GULP1: variants seen among roughly 807,000 people sequenced by gnomAD.
GULP1 encodes the protein PTB domain-containing engulfment adapter protein 1.
Under a neutral mutation model 40.9 loss-of-function variants are expected in GULP1, and 19 were observed. The ratio of observed to expected loss-of-function variants is 0.46; its 90% CI spans 0.32 to 0.68. GULP1 has a LOEUF of 0.68. Ranked by LOEUF, GULP1 falls within the 30% of genes least tolerant of loss-of-function variation. The pLI is 0.03. For synonymous variants in GULP1, 119 were observed against 117.6 expected, an observed-to-expected ratio of 1.01 and a Z score of -0.08; for missense variants, 312 against 362.2, an observed-to-expected ratio of 0.86 and a Z score of 1.12.
chr2:188,309,524 T>C (rs932464922), intron 1 of GULP1, among the ~76,000 whole-genome samples: 1 of 152,140 alleles, frequency 6.6e-6, no homozygotes, highest in African/African-American at 2.4e-5. Context: ...TCCAACTCAA[T>C]ATAAGAAAGA....
chr2:188,531,393 C>T (rs762844315), intron 6 of GULP1, among the ~76,000 whole-genome samples: 2 of 152,140 alleles, frequency 1.3e-5, no homozygotes, highest in Non-Finnish European at 2.9e-5. Context: ...GAACCTCTAA[C>T]TGTGGAAATC....
intron 4 of GULP1, among the ~76,000 whole-genome samples, chr2:188,492,759 A>G (rs1484439520): frequency 6.6e-6 from 1 of 152,088 alleles, no homozygotes; most frequent in Non-Finnish European, 1.5e-5. Context: ...TTATATATCT[A>G]TCTCTTTGCC....
intron 2 of GULP1, among the ~76,000 whole-genome samples, chr2:188,473,052 A>G (rs2060719113): frequency 6.6e-6 from 1 of 152,196 alleles, no homozygotes; most frequent in Non-Finnish European, 1.5e-5. Flanking sequence ...TACTGCCCTG[A>G]TGGTCTTGGA....
chr2:188,298,771 T>C (rs1372087519), intron 1 of GULP1, among the ~76,000 whole-genome samples: 1 of 152,048 alleles, frequency 6.6e-6, no homozygotes, highest in Non-Finnish European at 1.5e-5. Context: ...TTTGGAAAAA[T>C]AAAATTTTCT....
intron 2 of GULP1, among the ~76,000 whole-genome samples, chr2:188,403,552 T>C (rs1411610783): frequency 6.6e-6 from 1 of 152,088 alleles, no homozygotes; most frequent in African/African-American, 2.4e-5. Context: ...AAAATAAATA[T>C]GGTATATATA....
At chr2:188,302,319 GAGAA>G (rs2036272028) in intron 1 of GULP1, among the ~76,000 whole-genome samples, 2 of 152,104 alleles carry the variant, frequency 1.3e-5, no homozygotes, top group Non-Finnish European at 2.9e-5. Flanking sequence ...TCAGACAATA[GAGAA>G]CTAAATTTAA....
chr2:188,314,618 C>T (rs970105406), intron 1 of GULP1, among the ~76,000 whole-genome samples: 1 of 152,116 alleles, frequency 6.6e-6, no homozygotes, highest in South Asian at 2.1e-4. Flanking sequence ...GCTCCACAGG[C>T]TAAGTAGATT....
chr2:188,450,103 T>G (rs1435267028), intron 2 of GULP1, among the ~76,000 whole-genome samples: 1 of 152,140 alleles, frequency 6.6e-6, no homozygotes, highest in Non-Finnish European at 1.5e-5. Context: ...ATGAAGAAAT[T>G]GCCAAAAATG....
At chr2:188,385,730 C>T (rs2049635878) in intron 2 of GULP1, among the ~76,000 whole-genome samples, 2 of 152,168 alleles carry the variant, frequency 1.3e-5, no homozygotes, top group South Asian at 4.1e-4. Context: ...AATCACCTCT[C>T]TCAAGTTCAA....
At chr2:188,565,804 A>G (rs1697516024) in intron 7 of GULP1, among the ~76,000 whole-genome samples, 1 of 152,158 alleles carries the variant, frequency 6.6e-6, no homozygotes, top group African/African-American at 2.4e-5. Flanking sequence ...CAATGGATAA[A>G]TCACTTGTGG....
intron 2 of GULP1, among the ~76,000 whole-genome samples, chr2:188,405,687 C>A (rs890355910): frequency 6.6e-6 from 1 of 152,210 alleles, no homozygotes; most frequent in Non-Finnish European, 1.5e-5. Flanking sequence ...ACTCAGGCAC[C>A]AGGTCTGCCC....
intron 1 of GULP1, among the ~76,000 whole-genome samples, chr2:188,341,972 C>T (rs1313077052): frequency 6.6e-6 from 1 of 152,066 alleles, no homozygotes. Context: ...GTTTTCTTAC[C>T]TCTTTCTATA....
chr2:188,455,033 A>G (rs1331870412), intron 2 of GULP1, among the ~76,000 whole-genome samples: 1 of 152,082 alleles, frequency 6.6e-6, no homozygotes, highest in Non-Finnish European at 1.5e-5. Flanking sequence ...TCAGGAGGGT[A>G]AGCCAGTTGG....
chr2:188,533,981 A>G (rs947045290), intron 6 of GULP1, among the ~76,000 whole-genome samples: 1 of 152,218 alleles, frequency 6.6e-6, no homozygotes, highest in African/African-American at 2.4e-5. Context: ...CAAAAATAAC[A>G]GATGCTGGTG....
At chr2:188,552,852 CATA>C (rs1304532299) in intron 7 of GULP1, among the ~76,000 whole-genome samples, 1 of 148,918 alleles carries the variant, frequency 6.7e-6, no homozygotes, top group African/African-American at 2.5e-5. Flanking sequence ...TAAATTTATT[CATA>C]TATATATATA....
At chr2:188,412,727 T>C (rs2054067081) in intron 2 of GULP1, among the ~76,000 whole-genome samples, 1 of 152,192 alleles carries the variant, frequency 6.6e-6, no homozygotes, top group Non-Finnish European at 1.5e-5. Context: ...CTTTCCAACT[T>C]TGCAAAATTA....
intron 2 of GULP1, among the ~76,000 whole-genome samples, chr2:188,431,030 A>G (rs549412686): frequency 6.6e-6 from 1 of 152,304 alleles, no homozygotes; most frequent in East Asian, 1.9e-4. Flanking sequence ...TTGACAATTT[A>G]CCCTGTATCT....
chr2:188,449,863 A>G (rs1015872977), intron 2 of GULP1, among the ~76,000 whole-genome samples: 2 of 152,206 alleles, frequency 1.3e-5, no homozygotes, highest in Admixed American at 6.5e-5. Context: ...GGTTTTAGCA[A>G]TAGTTCAAAT....
chr2:188,487,720 T>G (rs149723900), intron 4 of GULP1, among the ~76,000 whole-genome samples: 358 of 152,024 alleles, frequency 2.4e-3, no homozygotes, highest in African/African-American at 7.6e-3. Context: ...AACAACAAAA[T>G]AAAATACAAA....
Sources: allele counts gnomAD v4.1 joint callset (sites outside exome capture counted in the v4.1 genomes callset), GRCh38; gene constraint gnomAD v4.1.1; transcripts MANE v1.5; gene names NCBI Gene and HGNC (gene_info 2026-07-23, HGNC 2026-07-21).